The following SYNJ1 variants were observed in gnomAD, a reference collection of about 807,000 sequenced individuals.
SYNJ1 encodes the protein polyphosphatidylinositol phosphatase SYNJ1.
SYNJ1 carries 78 observed loss-of-function variants against 168.2 expected under a neutral mutation model. The observed-to-expected ratio is 0.46, with a 90% CI of 0.39 to 0.56. SYNJ1 has a LOEUF of 0.56. SYNJ1 is among the 20% of genes least tolerant of loss of function. The pLI, the probability that SYNJ1 is intolerant of heterozygous loss-of-function variation, is 0.00. For synonymous variants in SYNJ1, 539 were observed against 548.6 expected, an observed-to-expected ratio of 0.98 and a Z score of 0.24; for missense variants, 1,303 against 1,597.6, an observed-to-expected ratio of 0.82 and a Z score of 3.14.
At chr21:32,728,339 T>G, upstream of SYNJ1, 2 of 296,502 alleles carry the variant, frequency 6.7e-6, no homozygotes, top group African/African-American at 2.2e-5. Flanking sequence ...GTATTGCTGC[T>G]CCCCAAGCTG....
chr21:32,652,955 T>C (rs1169301205), intron 22 of SYNJ1, among the ~76,000 whole-genome samples: 1 of 152,250 alleles, frequency 6.6e-6, no homozygotes, highest in East Asian at 1.9e-4. Context: ...CTTCACTTGA[T>C]AGAATGTTTT....
Position 32,700,066 on chromosome 21 carries a change from C to T in SYNJ1, c.251G>A (p.Cys84Tyr). 1.2e-6 allele frequency: 2 copies of T among 1,614,082 alleles called. No homozygotes were observed. Among genetic ancestry groups the T allele is most frequent in the South Asian group, 1.1e-5 (1 of 91,072 alleles). The change falls in exon 4 of 33, where the codon TGT becomes TAT. Residue 84 changes from cysteine to tyrosine, a missense_variant. Coordinates refer to ENST00000674351, the MANE Select transcript of SYNJ1 (RefSeq NM_203446.3). Reference sequence around the variant, plus strand: ...TTCTTGAATTTTTCCAACAGACATACATCCAGTGACTAGGACCAGATAATG... The same window carrying T: ...TTCTTGAATTTTTCCAACAGACATATATCCAGTGACTAGGACCAGATAATG... ...MLHYLVLVTG[C>Y]MSVGKIQESE...
chr21:32,657,115 C>A lies in SYNJ1; in HGVS notation c.2467G>T (p.Asp823Tyr), dbSNP rs376046993. 1 of 1,600,466 alleles carries A rather than the reference C, an allele frequency of 6.2e-7. No homozygotes were observed. Among genetic ancestry groups the A allele is most frequent in the Non-Finnish European group, 8.6e-7 (1 of 1,167,696 alleles). The change falls in exon 20 of 33, where the codon GAT becomes TAT. Residue 823 changes from aspartate (D) to tyrosine (Y), a missense_variant. Transcript: ENST00000674351. ...RKWPFDRSAE[D>Y]LDLLNASFQD... ...AAACTAGCATTTAGAAGATCTAGAT[C>A]TTCAGCTGCAGTCAGAAGAAATGAA...
chr21:32,634,772 G>A, intron 32 of SYNJ1, 89 bp downstream of exon 32: 2 of 1,380,358 alleles, frequency 1.4e-6, no homozygotes, highest in Non-Finnish European at 2.0e-6. Context: ...AAAAATGGGT[G>A]AAACTTTAGA....
intron 14 of SYNJ1, among the ~76,000 whole-genome samples, chr21:32,672,173 A>C (rs1286590515): frequency 2.0e-5 from 3 of 151,762 alleles, no homozygotes; most frequent in Non-Finnish European, 4.4e-5. Context: ...ACTGATGAAA[A>C]ATAACTAAAA....
chr21:32,678,830 G>A (rs1038616213), intron 11 of SYNJ1, 29 bp from the exon 12 acceptor site: 4 of 1,587,710 alleles, frequency 2.5e-6, no homozygotes, highest in Middle Eastern at 3.3e-4. Flanking sequence ...AAGGAGCGCA[G>A]ATTTTCATTT....
upstream of SYNJ1, chr21:32,728,152 G>T: frequency 2.3e-6 from 3 of 1,306,760 alleles, no homozygotes; most frequent in Non-Finnish European, 3.0e-6. Context: ...ACCCGCGGGC[G>T]GCCCCAGCCT....
intron 13 of SYNJ1, among the ~76,000 whole-genome samples, chr21:32,674,006 G>A (rs2145986238): frequency 6.6e-6 from 1 of 152,266 alleles, no homozygotes; most frequent in Non-Finnish European, 1.5e-5. Context: ...CTACTGACAG[G>A]CAGCTTGATG....
At chr21:32,693,301 A>G (rs142144871) in intron 6 of SYNJ1, among the ~76,000 whole-genome samples, 350 of 152,332 alleles carry the variant, frequency 2.3e-3, no homozygotes, top group African/African-American at 6.7e-3. Context: ...AGGGAAAGAT[A>G]TATCTATTTA....
intron 12 of SYNJ1, among the ~76,000 whole-genome samples, chr21:32,678,384 C>T (rs1346158185): frequency 2.6e-5 from 4 of 152,114 alleles, no homozygotes; most frequent in South Asian, 2.1e-4. Flanking sequence ...GTTAACAATG[C>T]TTAATTATTT....
chr21:32,645,682 G>T lies in SYNJ1; in HGVS notation c.3355C>A (p.Arg1119Ser), dbSNP rs1157846436. The T allele has an allele frequency of 4.6e-6, 7 of 1,511,138 alleles. No homozygotes were observed. Among genetic ancestry groups the T allele is most frequent in the Non-Finnish European group, 6.2e-6 (7 of 1,134,886 alleles). 93.6% of individuals were successfully genotyped at this position (1,511,138 alleles called of 1,614,324 possible). A position where few individuals can be genotyped will look rare whatever the true frequency, so the allele number is the denominator to read the frequency against. The change falls in exon 25 of 33, where the codon CGC becomes AGC. Residue 1119 changes from arginine to serine, a missense_variant. Physicochemically the swap from Arg to Ser is moderately radical, Grantham distance 110. Coordinates refer to ENST00000674351, the MANE Select transcript of SYNJ1 (RefSeq NM_203446.3). ...PPPRPVAPPT[R>S]PAPPQRPPPP... ...GGAGGTCTCTGTGGGGGAGCCGGGC[G>T]TGTGGGAGGGGCGACCGGGCGGGGC...
chr21:32,688,510 T>A, intron 6 of SYNJ1, 143 bp from the exon 7 acceptor site: 2 of 670,004 alleles, frequency 3.0e-6, no homozygotes, highest in East Asian at 3.2e-5. Context: ...GATATGCTTT[T>A]AAAAAAACAA....
chr21:32,728,022 A>G, upstream of SYNJ1: 1 of 1,535,640 alleles, frequency 6.5e-7, no homozygotes. Flanking sequence ...CCGCTCCAGC[A>G]GGCCCATCTC....
At chr21:32,694,937 A>T in intron 5 of SYNJ1, 120 bp downstream of exon 5, 1 of 1,090,814 alleles carries the variant, frequency 9.2e-7, no homozygotes, top group Non-Finnish European at 1.3e-6. Flanking sequence ...AACCAAGAAC[A>T]ATCATAAAAC....
intron 18 of SYNJ1, 91 bp downstream of exon 18, chr21:32,664,821 AC>A: frequency 8.6e-7 from 1 of 1,160,762 alleles, no homozygotes; most frequent in East Asian, 2.4e-5. Context: ...GTACAAAAAG[AC>A]CCCAAGAAAA....
At chr21:32,676,558 C>A (rs889913489) in intron 12 of SYNJ1, among the ~76,000 whole-genome samples, 1 of 152,154 alleles carries the variant, frequency 6.6e-6, no homozygotes, top group Non-Finnish European at 1.5e-5. Context: ...TAAGAAGAAT[C>A]CTACAGTGAC....
chr21:32,649,809 G>A (rs750780293), intron 23 of SYNJ1, among the ~76,000 whole-genome samples: 5 of 152,176 alleles, frequency 3.3e-5, no homozygotes, highest in Non-Finnish European at 5.9e-5. Context: ...GAGTGCAGTG[G>A]CACAATCTCG....
At chr21:32,715,600 G>A (rs1179097319) in intron 2 of SYNJ1, among the ~76,000 whole-genome samples, 1 of 152,022 alleles carries the variant, frequency 6.6e-6, no homozygotes, top group African/African-American at 2.4e-5. Flanking sequence ...GCAATCCTAT[G>A]GTCCACTAGT....
chr21:32,678,556 C>T (rs981984795), intron 12 of SYNJ1, 89 bp downstream of exon 12: 2 of 1,366,178 alleles, frequency 1.5e-6, no homozygotes, highest in Admixed American at 5.7e-5. Context: ...ACTATTTTAA[C>T]CAACTAAAAA....
Sources: allele counts gnomAD v4.1 joint callset (sites outside exome capture counted in the v4.1 genomes callset), GRCh38; gene constraint gnomAD v4.1.1; transcripts MANE v1.5; gene names NCBI Gene and HGNC (gene_info 2026-07-23, HGNC 2026-07-21).